USP49: variants seen among roughly 807,000 people sequenced by gnomAD.
USP49 encodes the protein ubiquitin specific peptidase 49, also known as ubiquitin carboxyl-terminal hydrolase 49.
USP49 carries 24 observed loss-of-function variants against 58.6 expected under a neutral mutation model. That is an observed-to-expected ratio of 0.41 (90% CI 0.30 to 0.58). The LOEUF (loss-of-function observed/expected upper bound fraction) is 0.58, where lower values mean the gene tolerates loss of function less well. Ranked by LOEUF, USP49 falls within the 20% of genes least tolerant of loss-of-function variation. The pLI is 0.30. For missense variants in USP49, 703 were observed against 866.1 expected (o/e 0.81, Z 2.36); for synonymous variants, 408 against 365.1 (o/e 1.12, Z -1.34).
chr6:41,832,700 A>T (rs1022003255), intron 3 of USP49, among the ~76,000 whole-genome samples: 10 of 152,160 alleles, frequency 6.6e-5, no homozygotes, highest in Admixed American at 3.3e-4. Context: ...TCAAAAAAAA[A>T]TTTTCTGAGC....
At chr6:41,824,111 A>G (rs532923386) in intron 3 of USP49, among the ~76,000 whole-genome samples, 2 of 152,192 alleles carry the variant, frequency 1.3e-5, no homozygotes, top group South Asian at 4.1e-4. Context: ...CTTGTTACTC[A>G]TCCCCAGGCC....
rs1327568366 is a variant in USP49, at chr6:41,796,647, G to T, written c.1953C>A (p.Ile651=). The part of the protein sequence containing the change: ...VEEVCKTQAY[I]LFYTQRTVQG... The stretch of plus-strand genomic sequence containing the variant: ...GCACTGTTCTTTGAGTGTAAAAAAG[G>T]ATGTAGGCCTGGGTTTTGCACACTT... The change falls in exon 8 of 8, where the codon ATC becomes ATA. Residue 651 remains isoleucine, a synonymous_variant. Coordinates refer to ENST00000682992, the MANE Select transcript of USP49 (RefSeq NM_001286554.2). 3 of 717,492 alleles carry T rather than the reference G, an allele frequency of 4.2e-6. No homozygotes were observed. In the Admixed American group the frequency reaches 6.0e-5, roughly 14 times the overall value. 44.4% of individuals were successfully genotyped at this position (717,492 alleles called of 1,614,324 possible).
At chr6:41,843,411 C>A (rs189155086) in intron 3 of USP49, among the ~76,000 whole-genome samples, 1 of 152,058 alleles carries the variant, frequency 6.6e-6, no homozygotes, top group Admixed American at 6.6e-5. Context: ...ATAAGCATTG[C>A]GTATGTCGGA....
chr6:41,836,778 T>C (rs1041763611), intron 3 of USP49, among the ~76,000 whole-genome samples: 1 of 152,012 alleles, frequency 6.6e-6, no homozygotes. Flanking sequence ...CAAATATCAG[T>C]AGCATTTCTA....
rs6919893 is a variant in USP49 at position 41,795,883 on chromosome 6, T to A, written c.*650A>T. On this transcript the variant is annotated 3_prime_UTR_variant, in exon 8 of 8. Transcript: ENST00000682992. ...CAGTCTCAGAAGTATGGAATGATTA[T>A]ATGACAGCAGCAAGTAGGGAGGGTA... The A allele has an allele frequency of 0.99, 151,200 of 152,358 alleles. 75,040 individuals are homozygous for A. The highest frequency in any genetic ancestry group is 1 in the East Asian group (5,184 of 5,184). The allele number at this position is 152,358 out of a possible 1,614,324, so 9.4% of individuals were successfully genotyped here. A position where few individuals can be genotyped will look rare whatever the true frequency, so the allele number is the denominator to read the frequency against.
intron 2 of USP49, among the ~76,000 whole-genome samples, chr6:41,882,046 C>T (rs1221209739): frequency 6.6e-6 from 1 of 151,014 alleles, no homozygotes; most frequent in Non-Finnish European, 1.5e-5. Context: ...AAAAGATCCA[C>T]AGATAGTTAT....
At chr6:41,832,323 C>A (rs1027600558) in intron 3 of USP49, among the ~76,000 whole-genome samples, 1 of 152,220 alleles carries the variant, frequency 6.6e-6, no homozygotes, top group Non-Finnish European at 1.5e-5. Context: ...TTAACCTATT[C>A]TCTCCCAGTT....
intron 3 of USP49, among the ~76,000 whole-genome samples, chr6:41,828,502 T>C (rs1427617534): frequency 2.6e-5 from 4 of 152,220 alleles, no homozygotes; most frequent in Non-Finnish European, 4.4e-5. Context: ...TATTTAATAC[T>C]GGCAGAAACA....
chr6:41,839,558 T>C (rs1051104694), intron 3 of USP49, among the ~76,000 whole-genome samples: 1 of 135,390 alleles, frequency 7.4e-6, no homozygotes, highest in African/African-American at 2.8e-5. Flanking sequence ...CTAAAATAAA[T>C]TGAAACAAAA....
At chr6:41,888,158 A>C (rs1375364234) in intron 2 of USP49, among the ~76,000 whole-genome samples, 2 of 149,782 alleles carry the variant, frequency 1.3e-5, no homozygotes, top group Non-Finnish European at 3.0e-5. Context: ...AGGTTCAAGC[A>C]AATCTTGTTC....
chr6:41,800,807 T>C (rs1207054278), intron 5 of USP49, among the ~76,000 whole-genome samples: 1 of 152,280 alleles, frequency 6.6e-6, no homozygotes, highest in East Asian at 1.9e-4. Context: ...TTTAGCATGA[T>C]TTGCTTATGG....
At chr6:41,835,041 AATCACTCTAAGC>A (rs1561912968) in intron 3 of USP49, among the ~76,000 whole-genome samples, 1 of 152,222 alleles carries the variant, frequency 6.6e-6, no homozygotes, top group Non-Finnish European at 1.5e-5. Flanking sequence ...TAAGGAGATG[AATCACTCTAAGC>A]CCAAACCACC....
chr6:41,866,677 G>T (rs1455093409), intron 3 of USP49, among the ~76,000 whole-genome samples: 1 of 152,086 alleles, frequency 6.6e-6, no homozygotes, highest in Non-Finnish European at 1.5e-5. Context: ...TTACATTTTT[G>T]TTAATCTTCT....
chr6:41,855,156 T>G (rs900281659), intron 3 of USP49, among the ~76,000 whole-genome samples: 23 of 151,976 alleles, frequency 1.5e-4, no homozygotes, highest in African/African-American at 5.6e-4. Flanking sequence ...TAACCAGTGC[T>G]GATGTTGAGC....
intron 2 of USP49, among the ~76,000 whole-genome samples, chr6:41,886,097 T>C (rs1453656485): frequency 2.0e-5 from 3 of 152,218 alleles, no homozygotes; most frequent in Non-Finnish European, 2.9e-5. Flanking sequence ...TTGACCATAT[T>C]TAACTTTTTT....
At chr6:41,840,969 C>T (rs368627196) in intron 3 of USP49, among the ~76,000 whole-genome samples, 11 of 151,598 alleles carry the variant, frequency 7.3e-5, no homozygotes, top group East Asian at 3.9e-4. Flanking sequence ...TTTGCCACTG[C>T]GCTCCAGCCT....
Position 41,862,041 on chromosome 6 carries a change from T to A in USP49, c.-29+9523A>T, listed in dbSNP as rs555703705. 3.3e-5 allele frequency among the ~76,000 whole-genome samples: 5 copies of A among 152,198 alleles called. No individual in the cohort carries two copies. In the East Asian group the frequency reaches 9.6e-4, roughly 29 times the overall value. ...AAAGACTGTAGCATATGCTATGCTA[T>A]GAACTGCATAATGCATTTAACTAGC... On this transcript the variant is annotated intron_variant, in intron 3 of 7. Transcript: ENST00000682992.
chr6:41,816,153 AAAAG>A (rs1773346216), intron 3 of USP49, among the ~76,000 whole-genome samples: 1 of 152,186 alleles, frequency 6.6e-6, no homozygotes, highest in Admixed American at 6.5e-5. Flanking sequence ...CTTCTGTCTA[AAAAG>A]AGAGAGAGAC....
intron 3 of USP49, among the ~76,000 whole-genome samples, chr6:41,854,304 G>A (rs1382483980): frequency 8.5e-5 from 11 of 129,904 alleles, no homozygotes; most frequent in South Asian, 2.5e-4. Flanking sequence ...GCGACAGAGC[G>A]AGACTCTGTC....
Sources: allele counts gnomAD v4.1 joint callset (sites outside exome capture counted in the v4.1 genomes callset), GRCh38; gene constraint gnomAD v4.1.1; transcripts MANE v1.5; gene names NCBI Gene and HGNC (gene_info 2026-07-23, HGNC 2026-07-21).